Variants in ZNF385D observed in about 807,000 individuals in gnomAD.
The protein encoded by ZNF385D is zinc finger protein 385D.
ZNF385D carries 15 observed loss-of-function variants against 35.8 expected under a neutral mutation model. The ratio of observed to expected loss-of-function variants is 0.42; its 90% confidence interval spans 0.28 to 0.64. The LOEUF (loss-of-function observed/expected upper bound fraction) is 0.64, where lower values mean the gene tolerates loss of function less well. Ranked by LOEUF, ZNF385D falls within the 30% of genes least tolerant of loss-of-function variation. The pLI is 0.23. For missense variants in ZNF385D, 474 were observed against 494.6 expected (o/e 0.96, Z 0.39); for synonymous variants, 212 against 186.8 (o/e 1.13, Z -1.10).
At chr3:22,203,546 G>T (rs751930787) in intron 2 of ZNF385D, among the ~76,000 whole-genome samples, 6 of 152,098 alleles carry the variant, frequency 3.9e-5, no homozygotes, top group Non-Finnish European at 8.8e-5. Flanking sequence ...TATCGAGGAG[G>T]CTCTTGGGAT....
At chr3:22,192,297 C>T (rs1696110841) in intron 2 of ZNF385D, among the ~76,000 whole-genome samples, 1 of 152,062 alleles carries the variant, frequency 6.6e-6, no homozygotes, top group African/African-American at 2.4e-5. Context: ...CCTTTGTTTC[C>T]CCAGAACAAA....
At chr3:21,855,864 AT>A (rs11360065) in intron 3 of ZNF385D, among the ~76,000 whole-genome samples, 30,853 of 150,444 alleles carry the variant, frequency 0.21, 3,323 homozygotes, top group Admixed American at 0.26. Flanking sequence ...ATATCCTATG[AT>A]TTTTTTTTTA....
At chr3:21,950,070 C>CTCTCTCCTCT (rs1701991588) in intron 3 of ZNF385D, among the ~76,000 whole-genome samples, 2 of 149,162 alleles carry the variant, frequency 1.3e-5, no homozygotes, top group African/African-American at 5.2e-5. Flanking sequence ...GGGTATATAC[C>CTCTCTCCTCT]CAGTAATGGG....
chr3:21,437,143 C>G lies in ZNF385D; in HGVS notation c.500G>C (p.Ser167Thr). 1 of 1,613,956 alleles carries G rather than the reference C, an allele frequency of 6.2e-7. No individual in the cohort carries two copies. The highest frequency in any genetic ancestry group is 8.5e-7 in the Non-Finnish European group (1 of 1,179,900). ...AGAGGTGATCTCAGTTGTCATAACACTGCTTTTGCGGATTTCCACAGTTGT... is the reference window on the plus strand; with the variant it reads ...AGAGGTGATCTCAGTTGTCATAACAGTGCTTTTGCGGATTTCCACAGTTGT... The part of the protein sequence containing the change: ...TTTTVEIRKS[S>T]VMTTEITSKV... Residue 167 changes from serine to threonine, a missense_variant, in exon 5 of 8, where the codon AGT becomes ACT. Physicochemically the swap from Ser to Thr is moderately conservative, Grantham distance 58 (BLOSUM62 1). Coordinates refer to ENST00000281523, the MANE Select transcript of ZNF385D (RefSeq NM_024697.3).
intron 2 of ZNF385D, among the ~76,000 whole-genome samples, chr3:21,601,265 C>T (rs933356866): frequency 2.0e-5 from 3 of 152,152 alleles, no homozygotes; most frequent in Non-Finnish European, 4.4e-5. Flanking sequence ...CTTTATAAAG[C>T]AGATGTTAAA....
intron 4 of ZNF385D, among the ~76,000 whole-genome samples, chr3:21,499,743 G>T (rs1407837094): frequency 6.6e-6 from 1 of 152,000 alleles, no homozygotes; most frequent in Non-Finnish European, 1.5e-5. Context: ...TTCATCTTTA[G>T]GTTTGGCCAG....
At chr3:21,686,955 G>A (rs184716424) in intron 1 of ZNF385D, among the ~76,000 whole-genome samples, 1 of 152,236 alleles carries the variant, frequency 6.6e-6, no homozygotes, top group Admixed American at 6.5e-5. Context: ...CCCATCCTAT[G>A]AGTTATCACT....
upstream of ZNF385D, among the ~76,000 whole-genome samples, chr3:21,753,789 T>TTGTGTGTG (rs145331908): frequency 2.8e-4 from 35 of 124,728 alleles, no homozygotes; most frequent in South Asian, 7.1e-4. Flanking sequence ...GTTGTTGTTG[T>TTGTGTGTG]TGTGTGTGTG....
chr3:21,474,831 C>G (rs1195829517), intron 4 of ZNF385D, among the ~76,000 whole-genome samples: 1 of 151,994 alleles, frequency 6.6e-6, no homozygotes, highest in Non-Finnish European at 1.5e-5. Context: ...TGATAAATTC[C>G]TCATATTAAT....
chr3:21,974,678 A>G (rs12630154), intron 3 of ZNF385D, among the ~76,000 whole-genome samples: 1 of 151,978 alleles, frequency 6.6e-6, no homozygotes, highest in East Asian at 1.9e-4. Flanking sequence ...TCTATCTGAT[A>G]AGGGATTACT....
intron 5 of ZNF385D, among the ~76,000 whole-genome samples, chr3:21,436,122 C>T (rs1162947949): frequency 1.3e-5 from 2 of 152,052 alleles, no homozygotes; most frequent in East Asian, 1.9e-4. Flanking sequence ...TAGAGAAAAG[C>T]TGATCATTGT....
intron 2 of ZNF385D, among the ~76,000 whole-genome samples, chr3:22,186,664 C>A (rs1246636383): frequency 6.6e-6 from 1 of 152,004 alleles, no homozygotes; most frequent in Non-Finnish European, 1.5e-5. Context: ...TATTTTTGGT[C>A]TCATGAGAAT....
chr3:22,206,538 T>C lies in ZNF385D; in HGVS notation c.107-37503A>G, dbSNP rs141361807. Reference sequence around the variant, plus strand: ...ACCATATGTTAGGCCATAAAACAAGTCTTAAAACATCCAGAAAAAAAAGAA... The same window carrying C: ...ACCATATGTTAGGCCATAAAACAAGCCTTAAAACATCCAGAAAAAAAAGAA... On this transcript the variant is annotated intron_variant, in intron 2 of 5. Transcript: ENST00000494108. Among the ~76,000 whole-genome samples the C allele has an allele frequency of 5.3e-5, 8 of 151,810 alleles. No individual in the cohort carries two copies. In the East Asian group the frequency reaches 1.4e-3, roughly 26 times the overall value.
chr3:22,048,911 G>T (rs551682685), intron 3 of ZNF385D, among the ~76,000 whole-genome samples: 1 of 152,004 alleles, frequency 6.6e-6, no homozygotes, highest in Non-Finnish European at 1.5e-5. Flanking sequence ...GTATCTTGTT[G>T]TATTTCTTTC....
At chr3:22,291,690 G>C (rs1444975841) in intron 2 of ZNF385D, among the ~76,000 whole-genome samples, 1 of 151,914 alleles carries the variant, frequency 6.6e-6, no homozygotes, top group Non-Finnish European at 1.5e-5. Context: ...TGGGGTTTAT[G>C]ATCTTGTGTA....
intron 1 of ZNF385D, among the ~76,000 whole-genome samples, chr3:21,721,762 A>G (rs2068550274): frequency 6.6e-6 from 1 of 152,154 alleles, no homozygotes; most frequent in South Asian, 2.1e-4. Flanking sequence ...TCTGGAGCCA[A>G]GCCTCACATT....
At chr3:21,861,362 C>T (rs1269030998) in intron 3 of ZNF385D, among the ~76,000 whole-genome samples, 1 of 152,158 alleles carries the variant, frequency 6.6e-6, no homozygotes, top group African/African-American at 2.4e-5. Flanking sequence ...CATTGTTGCT[C>T]ATAAACATGC....
chr3:22,148,681 A>G (rs1705023657), intron 3 of ZNF385D, among the ~76,000 whole-genome samples: 1 of 152,200 alleles, frequency 6.6e-6, no homozygotes, highest in African/African-American at 2.4e-5. Flanking sequence ...TAAGATCTAC[A>G]TGGTCGTAAT....
intron 1 of ZNF385D, among the ~76,000 whole-genome samples, chr3:21,705,842 T>A (rs2067878296): frequency 6.6e-6 from 1 of 152,196 alleles, no homozygotes; most frequent in Non-Finnish European, 1.5e-5. Flanking sequence ...CTGTCTGGAC[T>A]GTCCCTTGCT....
Sources: gnomAD v4.1 joint callset for allele counts (sites outside exome capture counted in the v4.1 genomes callset) on GRCh38, gnomAD v4.1.1 for gene constraint, MANE v1.5 for transcripts, NCBI Gene and HGNC (gene_info 2026-07-23, HGNC 2026-07-21) for gene names.